The following ELOVL7 variants were observed in gnomAD, a reference collection of about 807,000 sequenced individuals.
The protein encoded by ELOVL7 is ELOVL fatty acid elongase 7.
Under a neutral mutation model 35.7 loss-of-function variants are expected in ELOVL7, and 27 were observed. That is an observed-to-expected ratio of 0.76 (90% CI 0.56 to 1.04). ELOVL7 has a LOEUF of 1.04. Among genes scored for constraint, ELOVL7 ranks in the 50% least tolerant of loss-of-function variants. The pLI is 0.00. For synonymous variants in ELOVL7, 113 were observed against 114.6 expected (o/e 0.99, Z 0.09); for missense variants, 327 against 340.8 (o/e 0.96, Z 0.32).
chr5:60,764,451 G>A (rs1742113059), intron 6 of ELOVL7, 119 bp from the exon 7 acceptor site: 3 of 774,872 alleles, frequency 3.9e-6, no homozygotes, highest in Non-Finnish European at 6.3e-6. Context: ...TAAAAGTGTT[G>A]CCTTATAGAA....
chr5:60,777,123 G>A (rs1742955222), intron 3 of ELOVL7, among the ~76,000 whole-genome samples: 1 of 151,308 alleles, frequency 6.6e-6, no homozygotes, highest in African/African-American at 2.4e-5. Context: ...TGGGGGGGAG[G>A]TGGGAATAGC....
At chr5:60,833,254 C>T (rs1289238255) in intron 1 of ELOVL7, among the ~76,000 whole-genome samples, 2 of 152,178 alleles carry the variant, frequency 1.3e-5, no homozygotes, top group African/African-American at 2.4e-5. Flanking sequence ...CTTGGCCAAA[C>T]GAAATGGCCT....
intron 1 of ELOVL7, among the ~76,000 whole-genome samples, chr5:60,808,267 T>C (rs1745059270): frequency 6.6e-6 from 1 of 151,416 alleles, no homozygotes; most frequent in Non-Finnish European, 1.5e-5. Context: ...AAGTACACGA[T>C]TCAACAAAAG....
chr5:60,833,266 G>A (rs931604983), intron 1 of ELOVL7, among the ~76,000 whole-genome samples: 4 of 152,258 alleles, frequency 2.6e-5, no homozygotes, highest in Admixed American at 2.0e-4. Context: ...AAATGGCCTC[G>A]TGTCCTCAAC....
intron 5 of ELOVL7, 45 bp from the exon 6 acceptor site, chr5:60,766,675 A>G (rs761787173): frequency 4.4e-5 from 68 of 1,550,910 alleles, no homozygotes; most frequent in Admixed American, 1.3e-4. Flanking sequence ...TATATGGAAG[A>G]AAAGCTTATA....
At chr5:60,782,223 G>A (rs1266498281) in intron 3 of ELOVL7, among the ~76,000 whole-genome samples, 2 of 152,198 alleles carry the variant, frequency 1.3e-5, no homozygotes, top group African/African-American at 4.8e-5. Context: ...TTGTAAGAAT[G>A]TCTGTTATCA....
intron 1 of ELOVL7, among the ~76,000 whole-genome samples, chr5:60,818,423 A>G (rs1465456692): frequency 6.6e-6 from 1 of 152,008 alleles, no homozygotes; most frequent in African/African-American, 2.4e-5. Flanking sequence ...CAAGACAAAT[A>G]CTTCCTTGTA....
rs1353819607 is a variant in ELOVL7 at position 60,772,636 on chromosome 5, C to T, written c.65-543G>A. Among the ~76,000 whole-genome samples, 3 of 152,158 alleles carry T rather than the reference C, an allele frequency of 2.0e-5. No individual in the cohort carries two copies. The East Asian group carries it at 5.8e-4, about 29-fold the overall frequency. ...GTATGGCGCCAGAGGAATAGATACC[C>T]CAACTCCACTCTCCTCCCTCTCTCC... On this transcript the variant is annotated intron_variant, in intron 3 of 8. Coordinates refer to ENST00000508821, the MANE Select transcript of ELOVL7 (RefSeq NM_024930.3).
At chr5:60,822,474 A>C (rs185121839) in intron 1 of ELOVL7, among the ~76,000 whole-genome samples, 1 of 152,338 alleles carries the variant, frequency 6.6e-6, no homozygotes, top group Non-Finnish European at 1.5e-5. Flanking sequence ...GTGGGGTTTA[A>C]TTCCATCATC....
rs1325238514 is a variant in ELOVL7 at position 60,752,170 on chromosome 5, A to T, written c.*2454T>A. 6.6e-6 allele frequency: 1 copy of T among 152,182 alleles called. No homozygotes were observed. Among genetic ancestry groups the T allele is most frequent in the South Asian group, 2.1e-4 (1 of 4,826 alleles). 9.4% of individuals were successfully genotyped at this position (152,182 alleles called of 1,614,324 possible). A position where few individuals can be genotyped will look rare whatever the true frequency, so the allele number is the denominator to read the frequency against. On this transcript the variant is annotated 3_prime_UTR_variant, in exon 9 of 9. Coordinates refer to ENST00000508821, the MANE Select transcript of ELOVL7 (RefSeq NM_024930.3). Reference sequence around the variant, plus strand: ...TGTGACCACACAGAACTCTTTTAATAAATATGGCCCATACAAATTCCATAT... The same window carrying T: ...TGTGACCACACAGAACTCTTTTAATTAATATGGCCCATACAAATTCCATAT...
At chr5:60,783,024 A>G (rs1743357134) in intron 3 of ELOVL7, among the ~76,000 whole-genome samples, 1 of 152,232 alleles carries the variant, frequency 6.6e-6, no homozygotes, top group African/African-American at 2.4e-5. Context: ...ATATATCACA[A>G]CATCACTTTG....
chr5:60,770,654 A>C (rs1196038414), intron 4 of ELOVL7, among the ~76,000 whole-genome samples: 2 of 152,210 alleles, frequency 1.3e-5, no homozygotes, highest in East Asian at 3.8e-4. Context: ...AAGAAATGGA[A>C]AGCAGCAGAG....
At chr5:60,754,856 A>G (rs1175301777) in intron 8 of ELOVL7, 23 bp from the exon 9 acceptor site, 2 of 1,601,112 alleles carry the variant, frequency 1.2e-6, no homozygotes, top group Non-Finnish European at 1.7e-6. Flanking sequence ...AACGTGAAAA[A>G]AAATTATTCA....
At chr5:60,802,585 C>T (rs777073448) in intron 1 of ELOVL7, 2 of 152,156 alleles carry the variant, frequency 1.3e-5, no homozygotes, top group Non-Finnish European at 2.9e-5. Context: ...AATATGGGGA[C>T]AGATCTTTGA....
At chr5:60,835,190 GAAAA>G (rs60918884) in intron 1 of ELOVL7, among the ~76,000 whole-genome samples, 1 of 81,390 alleles carries the variant, frequency 1.2e-5, no homozygotes, top group Admixed American at 1.4e-4. Context: ...ATCCCATCTT[GAAAA>G]AAAAAAAAAA....
intron 4 of ELOVL7, chr5:60,768,784 C>G: frequency 2.4e-6 from 1 of 421,928 alleles, no homozygotes; most frequent in Non-Finnish European, 4.7e-6. Flanking sequence ...ATCAGTTCTT[C>G]TCATACATGC....
At chr5:60,788,644 G>A (rs767124890) in intron 2 of ELOVL7, among the ~76,000 whole-genome samples, 49 of 121,092 alleles carry the variant, frequency 4.0e-4, no homozygotes, top group Admixed American at 9.8e-4. Flanking sequence ...GCGTGGTGAC[G>A]GGTGCCTGTA....
At chr5:60,807,992 C>CAAAAA (rs34086506) in intron 1 of ELOVL7, among the ~76,000 whole-genome samples, 100 of 42,414 alleles carry the variant, frequency 2.4e-3, no homozygotes, top group South Asian at 4.1e-3. Context: ...GACTCCGTCT[C>CAAAAA]AAAAAAAAAA....
At chr5:60,815,993 C>T (rs1745493608) in intron 1 of ELOVL7, among the ~76,000 whole-genome samples, 1 of 152,178 alleles carries the variant, frequency 6.6e-6, no homozygotes, top group Non-Finnish European at 1.5e-5. Context: ...TGGGCTTGAG[C>T]TCTGCCAACT....
Sources: gnomAD v4.1 joint callset for allele counts (sites outside exome capture counted in the v4.1 genomes callset) on GRCh38, gnomAD v4.1.1 for gene constraint, MANE v1.5 for transcripts, NCBI Gene and HGNC (gene_info 2026-07-23, HGNC 2026-07-21) for gene names.